Variants in ANXA8 observed in about 807,000 individuals in gnomAD.
ANXA8 encodes the protein annexin A8, also known as VAC-beta.
A neutral mutation model predicts 26.8 loss-of-function variants in ANXA8; 9 were observed. The observed-to-expected ratio is 0.34, with a 90% confidence interval of 0.20 to 0.59. The LOEUF (loss-of-function observed/expected upper bound fraction) is 0.59. ANXA8 is among the 20% of genes least tolerant of loss of function. The pLI is 0.84. For missense variants in ANXA8, 83 were observed against 238.5 expected (o/e 0.35, Z 4.29); for synonymous variants, 39 against 94.8 (o/e 0.41, Z 3.42).
At chr10:47,940,903 GGAGA>G in the ANXA8 span, among the ~76,000 whole-genome samples, 1 of 141,806 alleles carries the variant, frequency 7.1e-6, no homozygotes, top group African/African-American at 2.8e-5. Flanking sequence ...AGAAAGAGAG[GGAGA>G]GAGAGAGAAA....
chr10:47,678,867 A>T, the ANXA8 span, among the ~76,000 whole-genome samples: 2 of 139,722 alleles, frequency 1.4e-5, no homozygotes, highest in Admixed American at 1.5e-4. Flanking sequence ...ACATGGTGAA[A>T]TCTCTTCTCT....
the ANXA8 span, among the ~76,000 whole-genome samples, chr10:47,776,981 C>T: frequency 1.3e-5 from 2 of 151,884 alleles, no homozygotes; most frequent in African/African-American, 4.8e-5. Context: ...AAGAGGAAGG[C>T]TCGCCCCTCT....
At chr10:47,776,869 T>A in the ANXA8 span, among the ~76,000 whole-genome samples, 1 of 151,030 alleles carries the variant, frequency 6.6e-6, no homozygotes, top group Non-Finnish European at 1.5e-5. Flanking sequence ...GGAGCCCAGG[T>A]TTTTTTTTCC....
the ANXA8 span, among the ~76,000 whole-genome samples, chr10:47,748,437 T>G: frequency 6.6e-6 from 1 of 151,826 alleles, no homozygotes; most frequent in Non-Finnish European, 1.5e-5. Context: ...GGTCTCAAAC[T>G]TCTGACCTCA....
At chr10:47,562,323 T>C in the ANXA8 span, among the ~76,000 whole-genome samples, 1 of 138,788 alleles carries the variant, frequency 7.2e-6, no homozygotes, top group Non-Finnish European at 1.5e-5. Context: ...AAACTTTTAT[T>C]CTCAGAATTC....
the ANXA8 span, among the ~76,000 whole-genome samples, chr10:47,942,567 T>C: frequency 2.8e-5 from 4 of 141,110 alleles, 1 homozygote; most frequent in African/African-American, 1.1e-4. Flanking sequence ...CATGCAGTCA[T>C]GGTTAAGAGA....
the ANXA8 span, among the ~76,000 whole-genome samples, chr10:47,948,873 G>A: frequency 2.6e-5 from 4 of 151,702 alleles, no homozygotes; most frequent in Non-Finnish European, 5.9e-5. Context: ...CAAATCTATT[G>A]AAGATCTGAA....
At chr10:47,991,790 G>C in the ANXA8 span, 1 of 1,609,890 alleles carries the variant, frequency 6.2e-7, no homozygotes, top group Non-Finnish European at 8.5e-7. Flanking sequence ...TCCTGCAGCT[G>C]AGGAGTGAGC....
the ANXA8 span, chr10:47,599,792 G>A: frequency 6.7e-6 from 1 of 150,162 alleles, no homozygotes; most frequent in Non-Finnish European, 1.5e-5. Context: ...ATTTACACGG[G>A]GCTACGCACA....
the ANXA8 span, among the ~76,000 whole-genome samples, chr10:47,958,368 A>G: frequency 1.4e-5 from 2 of 146,272 alleles, 1 homozygote; most frequent in East Asian, 4.3e-4. Context: ...AATCCCAGCT[A>G]TGTGGGAGGC....
At chr10:47,958,434 G>C in the ANXA8 span, among the ~76,000 whole-genome samples, 2 of 146,472 alleles carry the variant, frequency 1.4e-5, no homozygotes, top group Non-Finnish European at 1.5e-5. Flanking sequence ...AGCCGAGATC[G>C]AGCCACTGCA....
At chr10:47,689,573 C>G in the ANXA8 span, 6 of 508,524 alleles carry the variant, frequency 1.2e-5, no homozygotes, top group East Asian at 1.6e-4. Flanking sequence ...AATGGCATAT[C>G]AAAAAAATCA....
chr10:47,745,740 T>C, the ANXA8 span, among the ~76,000 whole-genome samples: 7 of 134,654 alleles, frequency 5.2e-5, no homozygotes, highest in African/African-American at 1.8e-4. Context: ...GCATGGTTCA[T>C]TGCGTTGTCC....
the ANXA8 span, among the ~76,000 whole-genome samples, chr10:47,513,121 G>A: frequency 6.8e-6 from 1 of 147,936 alleles, no homozygotes. Flanking sequence ...TGCAACCTCT[G>A]CCTCCGAGGT....
At chr10:47,986,642 G>C in the ANXA8 span, 2 of 354,474 alleles carry the variant, frequency 5.6e-6, no homozygotes, top group Non-Finnish European at 1.1e-5. Flanking sequence ...CTCAGCTGTT[G>C]AGAACACACA....
At chr10:47,942,401 C>T in the ANXA8 span, among the ~76,000 whole-genome samples, 1 of 143,788 alleles carries the variant, frequency 7.0e-6, no homozygotes, top group Non-Finnish European at 1.5e-5. Context: ...CCTGCTCCCC[C>T]ACCAGCTGGT....
rs1362914821 is a variant in ANXA8, at chr10:47,476,715, C to T, written c.321+366G>A. 3.5e-5 allele frequency among the ~76,000 whole-genome samples: 3 copies of T among 85,676 alleles called. No homozygotes were observed. In the South Asian group the frequency reaches 1.5e-3, roughly 44 times the overall value. The allele number at this position is 85,676 out of a possible 152,430, so 56.2% of individuals were successfully genotyped here. A position where few individuals can be genotyped will look rare whatever the true frequency, so the allele number is the denominator to read the frequency against. On this transcript the variant is annotated intron_variant, in intron 4 of 11. Coordinates refer to ENST00000585281, the MANE Select transcript of ANXA8 (RefSeq NM_001040084.3). ...ACAAAATGACTATAGTTACTGGGTC[C>T]CCATCCTTATTAATCTGCAAAAGCA...
intron 6 of ANXA8, 56 bp downstream of exon 6, chr10:47,475,437 G>GAACCC (rs1588923493): frequency 0.027 from 24,806 of 924,226 alleles, no homozygotes; most frequent in Admixed American, 0.089. Context: ...GCTCCCTGGG[G>GAACCC]TGGAGCTGTT....
the ANXA8 span, among the ~76,000 whole-genome samples, chr10:47,705,051 A>G: frequency 1.3e-5 from 2 of 152,060 alleles, no homozygotes; most frequent in Admixed American, 6.6e-5. Context: ...GGATCTCTTG[A>G]GGCAAAGAGT....
Sources: allele counts gnomAD v4.1 joint callset (sites outside exome capture counted in the v4.1 genomes callset), GRCh38; gene constraint gnomAD v4.1.1; transcripts MANE v1.5; gene names NCBI Gene and HGNC (gene_info 2026-07-23, HGNC 2026-07-21).